The following DNMT1 variants were observed in gnomAD, a reference collection of about 807,000 sequenced individuals.
The protein encoded by DNMT1 is DNA (cytosine-5)-methyltransferase 1.
DNMT1 carries 24 observed loss-of-function variants against 205.3 expected under a neutral mutation model. That is an observed-to-expected ratio of 0.12 (90% CI 0.08 to 0.16). The LOEUF (loss-of-function observed/expected upper bound fraction) is 0.16. Among genes scored for constraint, DNMT1 ranks in the 10% least tolerant of loss-of-function variants. The probability of loss-of-function intolerance (pLI) is 1.00; values close to 1 mark genes in which losing one functional copy is unlikely to be tolerated. For missense variants in DNMT1, 1,293 were observed against 2,177.7 expected (o/e 0.59, Z 8.09); for synonymous variants, 817 against 839.8 (o/e 0.97, Z 0.47).
rs1356602642 is a variant in DNMT1, at chr19:10,138,902, G to A, written c.3949-297C>T. The stretch of plus-strand genomic sequence containing the variant: ...CAAGGGCCCCAAGGTCTTAGCACTC[G>A]GGGAGAACACTGGAGACCAGGAGCC... On this transcript the variant is annotated intron_variant, in intron 34 of 40. Coordinates refer to ENST00000359526, the MANE Select transcript of DNMT1 (RefSeq NM_001130823.3). This position sits in a 1 kb window ranked among gnomAD's most constrained non-coding sequence, Gnocchi z 4.1. 1.3e-5 allele frequency among the ~76,000 whole-genome samples: 2 copies of A among 152,172 alleles called. No individual in the cohort carries two copies. The highest frequency in any genetic ancestry group is 1.9e-4 in the East Asian group (1 of 5,192).
At position 10,143,947 on chromosome 19, in the gene DNMT1, G is replaced by C; in HGVS notation, c.2935C>G (p.Pro979Ala). ...TCTGGGTACAGGTCCTCATCCACGG[G>C]CTCCTTCCGTGGGCGTTTCACGGGA... ...SSPVKRPRKE[P>A]VDEDLYPEHY... The change falls in exon 29 of 41, where the codon CCC (proline) becomes GCC (alanine). Residue 979 changes from proline to alanine, a missense_variant. Transcript: ENST00000359526. 1.2e-6 allele frequency: 2 copies of C among 1,614,060 alleles called. No homozygotes were observed. The highest frequency in any genetic ancestry group is 1.7e-6 in the Non-Finnish European group (2 of 1,179,998).
intron 39 of DNMT1, chr19:10,135,331 T>G: frequency 3.9e-6 from 1 of 254,946 alleles, no homozygotes; most frequent in Non-Finnish European, 7.9e-6. Context: ...GCGCGTGCCC[T>G]ATGATGAAAA....
rs751646784 is a variant in DNMT1 at position 10,133,620 on chromosome 19, T to C, written c.*47A>G. The C allele has an allele frequency of 4.4e-6, 7 of 1,577,036 alleles. No individual in the cohort carries two copies. Among genetic ancestry groups the C allele is most frequent in the South Asian group, 3.5e-5 (3 of 86,368 alleles). ...ATGTTAAAAACACAACATCAGTGCA[T>C]GTTGGGGATTCCTGGTGCCAGAAAC... On this transcript the variant is annotated 3_prime_UTR_variant, in exon 41 of 41. Transcript: ENST00000359526. This position sits in a 1 kb window ranked among gnomAD's most constrained non-coding sequence, Gnocchi z 4.1.
In DNMT1 at chr19:10,138,616, G is replaced by A. The variant is rs1008651027; in HGVS notation, c.3949-11C>T. 1 of 1,599,874 alleles carries A rather than the reference G, an allele frequency of 6.3e-7. No individual in the cohort carries two copies. The highest frequency in any genetic ancestry group is 1.3e-5 in the African/African-American group (1 of 75,002). On this transcript the variant is annotated splice_polypyrimidine_tract_variant and intron_variant, in intron 34 of 40. Transcript: ENST00000359526. This position sits in a 1 kb window ranked among gnomAD's most constrained non-coding sequence, Gnocchi z 4.1. ...GCCGTACTGACCGGCCTGTGGGGGA[G>A]AAGGACGGACAACCCCACCGTCAGT...
chr19:10,136,826 A>G (rs2089492167), intron 37 of DNMT1, among the ~76,000 whole-genome samples: 1 of 151,232 alleles, frequency 6.6e-6, no homozygotes, highest in Admixed American at 6.6e-5. Context: ...TGGCACAATC[A>G]CAGCTCACTG....
intron 1 of DNMT1, among the ~76,000 whole-genome samples, chr19:10,182,620 GTA>G (rs1307627664): frequency 6.6e-6 from 1 of 150,548 alleles, no homozygotes; most frequent in Non-Finnish European, 1.5e-5. Flanking sequence ...GTATATATGT[GTA>G]TATATATACA....
intron 3 of DNMT1, 94 bp from the exon 4 acceptor site, chr19:10,180,663 C>A: frequency 2.7e-6 from 4 of 1,468,626 alleles, no homozygotes; most frequent in Non-Finnish European, 3.8e-6. Flanking sequence ...TCATCATCAT[C>A]ATCATCATCA....
At chr19:10,177,262 A>C (rs1323394787) in intron 6 of DNMT1, 30 bp downstream of exon 6, 2 of 1,610,148 alleles carry the variant, frequency 1.2e-6, no homozygotes, top group East Asian at 2.2e-5. Context: ...GCCCCTAAAA[A>C]AGGCAGCCGC....
chr19:10,168,007 C>T (rs1300768727), intron 10 of DNMT1, among the ~76,000 whole-genome samples: 1 of 152,050 alleles, frequency 6.6e-6, no homozygotes, highest in Admixed American at 6.6e-5. Flanking sequence ...CCCATACTCC[C>T]AGCTACTCGG....
rs769152965 is a variant in DNMT1, at chr19:10,173,914, A to C, written c.649-9T>G. 1.2e-6 allele frequency: 2 copies of C among 1,613,738 alleles called. No homozygotes were observed. The highest frequency in any genetic ancestry group is 3.3e-5 in the Admixed American group (2 of 59,994). On this transcript the variant is annotated splice_polypyrimidine_tract_variant and intron_variant, in intron 7 of 40. Transcript: ENST00000359526. ...CTACGTCTCTTCTCATCCTGTGTGG[A>C]GGGAAGGAAGAACAAAAAAGATTAG...
intron 9 of DNMT1, among the ~76,000 whole-genome samples, chr19:10,172,405 CA>C (rs34495234): frequency 0.012 from 902 of 76,386 alleles, 4 homozygotes; most frequent in African/African-American, 0.014. Flanking sequence ...GACTCCATCT[CA>C]AAAAAAAAAA....
chr19:10,142,309 G>T, intron 29 of DNMT1, 89 bp from the exon 30 acceptor site: 1 of 1,578,560 alleles, frequency 6.3e-7, no homozygotes. Flanking sequence ...GGTGCTCAGG[G>T]AACTGCAGGG....
In DNMT1 at chr19:10,154,172, T is replaced by C. The variant is rs2038406541; in HGVS notation, c.2019+121A>G. ...CCCAGACCACTAACTAATTTCTGTC[T>C]CAGGGGTCACATTTGAGCAGCCAGA... On this transcript the variant is annotated intron_variant, in intron 22 of 40. Transcript: ENST00000359526. This position sits in a 1 kb window ranked among gnomAD's most constrained non-coding sequence, Gnocchi z 6.3. 2.8e-6 allele frequency: 3 copies of C among 1,057,352 alleles called. No homozygotes were observed. The highest frequency in any genetic ancestry group is 4.4e-6 in the Non-Finnish European group (3 of 686,062). The allele number at this position is 1,057,352 out of a possible 1,614,324, so 65.5% of individuals were successfully genotyped here. A position where few individuals can be genotyped will look rare whatever the true frequency, so the allele number is the denominator to read the frequency against.
chr19:10,191,399 AT>A (rs2039302907), intron 1 of DNMT1, among the ~76,000 whole-genome samples: 1 of 151,642 alleles, frequency 6.6e-6, no homozygotes, highest in Non-Finnish European at 1.5e-5. Context: ...AGTGAGTCAT[AT>A]AAACTACAAT....
chr19:10,182,796 A>G, intron 1 of DNMT1, among the ~76,000 whole-genome samples: 1 of 150,800 alleles, frequency 6.6e-6, no homozygotes, highest in Non-Finnish European at 1.5e-5. Context: ...CAGCCTCCCA[A>G]GTAGCTGGGA....
chr19:10,146,285 C>T lies in DNMT1; in HGVS notation c.2894+66G>A. ...TTGGCAATGTCTGTAAGGAGGGGGACACCACAAAGCCAGCCTGGCTCAGCC... is the reference window on the plus strand; with the variant it reads ...TTGGCAATGTCTGTAAGGAGGGGGATACCACAAAGCCAGCCTGGCTCAGCC... On this transcript the variant is annotated intron_variant, in intron 28 of 40. Coordinates refer to ENST00000359526, the MANE Select transcript of DNMT1 (RefSeq NM_001130823.3). This position sits in a 1 kb window ranked among gnomAD's most constrained non-coding sequence, Gnocchi z 4.4. 1 of 1,589,432 alleles carries T rather than the reference C, an allele frequency of 6.3e-7. No individual in the cohort carries two copies.
chr19:10,149,127 C>G, intron 26 of DNMT1, 110 bp from the exon 27 acceptor site: 1 of 1,444,626 alleles, frequency 6.9e-7, no homozygotes, highest in Non-Finnish European at 9.5e-7. Context: ...AGTTCGAGAC[C>G]AGCCTGGCCA....
intron 30 of DNMT1, chr19:10,141,503 C>T (rs1268378508): frequency 7.3e-6 from 3 of 413,746 alleles, no homozygotes; most frequent in Admixed American, 3.7e-5. Context: ...CCTGGGAGAA[C>T]GTGGATGTAT....
At chr19:10,139,949 G>C (rs1483096485) in intron 33 of DNMT1, 97 bp downstream of exon 33, 2 of 1,595,180 alleles carry the variant, frequency 1.3e-6, no homozygotes, top group African/African-American at 1.3e-5. Context: ...GAGCTTCCGG[G>C]GGGCAGAGGC....
Sources: allele counts gnomAD v4.1 joint callset (sites outside exome capture counted in the v4.1 genomes callset), GRCh38; gene constraint gnomAD v4.1.1; non-coding constraint Gnocchi (gnomAD v3.1); transcripts MANE v1.5; gene names NCBI Gene and HGNC (gene_info 2026-07-23, HGNC 2026-07-21).